Variants in ERCC1 observed in about 807,000 individuals in gnomAD.
ERCC1 encodes the protein ERCC excision repair 1, endonuclease non-catalytic subunit, also known as DNA excision repair protein ERCC-1.
ERCC1 carries 36 observed loss-of-function variants against 37.6 expected under a neutral mutation model. The ratio of observed to expected loss-of-function variants is 0.96; its 90% CI spans 0.73 to 1.26. The LOEUF (loss-of-function observed/expected upper bound fraction) is 1.26, where lower values mean the gene tolerates loss of function less well. Ranked by LOEUF, ERCC1 falls within the 50% of genes most tolerant of loss-of-function variation. The probability of loss-of-function intolerance (pLI) is 0.00; values close to 1 mark genes in which losing one functional copy is unlikely to be tolerated. For synonymous variants in ERCC1, 156 were observed against 162.1 expected (o/e 0.96, Z 0.28); for missense variants, 349 against 376.5 (o/e 0.93, Z 0.60).
chr19:45,416,182 G>A (rs1974058625), intron 6 of ERCC1, among the ~76,000 whole-genome samples: 1 of 152,182 alleles, frequency 6.6e-6, no homozygotes, highest in African/African-American at 2.4e-5. Flanking sequence ...TTGAAGATCA[G>A]AGAATACTCT....
intron 8 of ERCC1, 69 bp downstream of exon 8, chr19:45,413,894 T>C: frequency 6.3e-7 from 1 of 1,575,812 alleles, no homozygotes; most frequent in South Asian, 1.1e-5. Context: ...TGGAAGGAAA[T>C]GGGTGACAGG....
upstream of ERCC1, among the ~76,000 whole-genome samples, chr19:45,428,319 G>A (rs1403573596): frequency 6.6e-6 from 1 of 151,556 alleles, no homozygotes; most frequent in Non-Finnish European, 1.5e-5. Flanking sequence ...GGCTGGTCTC[G>A]AACTCCTGGG....
In ERCC1 at chr19:45,408,259, C is replaced by A. The variant is rs779262400; in HGVS notation, c.*1416G>T. On this transcript the variant is annotated 3_prime_UTR_variant, in exon 10 of 10. Transcript: ENST00000300853. The stretch of plus-strand genomic sequence containing the variant: ...CTGGAGAAGCGACCCTGCTGGCCCC[C>A]TCAACGGAGGCAGGAGGTGGACTCA... 1 of 1,614,070 alleles carries A rather than the reference C, an allele frequency of 6.2e-7. No homozygotes were observed. Among genetic ancestry groups the A allele is most frequent in the Admixed American group, 1.7e-5 (1 of 60,022 alleles).
chr19:45,418,529 AAG>A (rs1241928129), intron 5 of ERCC1, among the ~76,000 whole-genome samples: 2 of 151,570 alleles, frequency 1.3e-5, no homozygotes, highest in Non-Finnish European at 2.9e-5. Context: ...AAAAAAATAA[AAG>A]AGAGAGATAT....
intron 1 of ERCC1, among the ~76,000 whole-genome samples, chr19:45,434,013 C>T (rs1399048389): frequency 1.3e-5 from 2 of 151,400 alleles, no homozygotes; most frequent in Admixed American, 6.6e-5. Flanking sequence ...TGGTGGCATG[C>T]GCCTGTAGTC....
chr19:45,450,923 G>T (rs1160491057), intron 1 of ERCC1, among the ~76,000 whole-genome samples: 3 of 132,692 alleles, frequency 2.3e-5, no homozygotes, highest in African/African-American at 8.4e-5. Context: ...CGCAGACGCG[G>T]TGACGCGACG....
intron 9 of ERCC1, among the ~76,000 whole-genome samples, chr19:45,412,618 A>G (rs1973811155): frequency 6.6e-6 from 1 of 150,882 alleles, no homozygotes; most frequent in African/African-American, 2.4e-5. Flanking sequence ...AGTTGTTAGA[A>G]CTCTTATCTT....
Position 45,420,322 on chromosome 19 carries a change from A to G in ERCC1, c.425+2T>C. ...AGTCTGGGGTGGCGCCGCAGAGCTCACCTGAGGAACAGGGCACAGGTGCTC... is the reference window on the plus strand; with the variant it reads ...AGTCTGGGGTGGCGCCGCAGAGCTCGCCTGAGGAACAGGGCACAGGTGCTC... On this transcript the variant is annotated splice_donor_variant, in intron 4 of 9. Transcript: ENST00000300853. LOFTEE classifies it high-confidence loss of function. The surrounding 1 kb of genome is among the most constrained non-coding windows in gnomAD (Gnocchi z 4.8). 1 of 1,607,118 alleles carries G rather than the reference A, an allele frequency of 6.2e-7. No homozygotes were observed. The highest frequency in any genetic ancestry group is 8.5e-7 in the Non-Finnish European group (1 of 1,174,918).
In ERCC1 at chr19:45,408,708, C is replaced by T. The variant is rs764593189; in HGVS notation, c.*967G>A. On this transcript the variant is annotated 3_prime_UTR_variant, in exon 10 of 10. Transcript: ENST00000300853. ...CTGGAGCCTCTGGGAGTGCTGTTCC[C>T]GTCCACCACCAAGAAGAGGAAGAAG... 2.8e-5 allele frequency: 45 copies of T among 1,613,726 alleles called. No individual in the cohort carries two copies. Among genetic ancestry groups the T allele is most frequent in the Admixed American group, 2.0e-4 (12 of 59,974 alleles).
chr19:45,419,865 G>A (rs1377409559), intron 4 of ERCC1, among the ~76,000 whole-genome samples: 1 of 150,762 alleles, frequency 6.6e-6, no homozygotes, highest in Non-Finnish European at 1.5e-5. Context: ...TTAGACCCAG[G>A]AATCTGGCCC....
chr19:45,409,356 G>A lies in ERCC1; in HGVS notation c.*319C>T, dbSNP rs777876532. ...GCAACTCCGGGATCCACCAAGAAGA[G>A]GAAGAAGCAGAGTCAGGAAAGCCGG... On this transcript the variant is annotated 3_prime_UTR_variant, in exon 10 of 10. Coordinates refer to ENST00000300853, the MANE Select transcript of ERCC1 (RefSeq NM_001983.4). The A allele has an allele frequency of 1.2e-6, 2 of 1,614,156 alleles. No individual in the cohort carries two copies. Among genetic ancestry groups the A allele is most frequent in the Non-Finnish European group, 1.7e-6 (2 of 1,180,026 alleles).
chr19:45,409,855 A>G, intron 9 of ERCC1, 130 bp from the exon 10 acceptor site: 2 of 610,364 alleles, frequency 3.3e-6, no homozygotes, highest in Non-Finnish European at 3.0e-6. Flanking sequence ...AGTTACAAAC[A>G]ATCCAGTTAC....
intron 1 of ERCC1, among the ~76,000 whole-genome samples, chr19:45,434,311 T>G: frequency 7.0e-6 from 1 of 143,596 alleles, no homozygotes; most frequent in Admixed American, 7.2e-5. Context: ...TGAAACACCG[T>G]GTCTCTCCAA....
At chr19:45,450,887 G>GCCCCCCCCCC (rs56670394) in intron 1 of ERCC1, among the ~76,000 whole-genome samples, 1 of 59,358 alleles carries the variant, frequency 1.7e-5, no homozygotes, top group African/African-American at 5.0e-5. Flanking sequence ...CCGTGCGCCC[G>GCCCCCCCCCC]CCCCCCCCCC....
intron 1 of ERCC1, among the ~76,000 whole-genome samples, chr19:45,430,567 A>G (rs759132151): frequency 6.6e-6 from 1 of 152,146 alleles, no homozygotes; most frequent in Non-Finnish European, 1.5e-5. Context: ...CCTGCAGCCC[A>G]AAGAACCTTA....
At chr19:45,416,211 C>T (rs1227478093) in intron 6 of ERCC1, among the ~76,000 whole-genome samples, 1 of 152,152 alleles carries the variant, frequency 6.6e-6, no homozygotes, top group Non-Finnish European at 1.5e-5. Flanking sequence ...CTGTAAGTGC[C>T]AAAAGCCACG....
chr19:45,415,711 C>T (rs941958037), intron 6 of ERCC1: 2 of 451,714 alleles, frequency 4.4e-6, no homozygotes, highest in South Asian at 1.6e-5. Flanking sequence ...CCAAATACAA[C>T]CTGGTAGTAA....
intron 1 of ERCC1, among the ~76,000 whole-genome samples, chr19:45,448,626 T>C (rs909559854): frequency 6.6e-6 from 1 of 151,892 alleles, no homozygotes; most frequent in Non-Finnish European, 1.5e-5. Context: ...GATGGGAGGA[T>C]CTCTTGAGCC....
At chr19:45,419,500 TGGGCAC>T (rs1330636561) in intron 4 of ERCC1, 1 of 385,792 alleles carries the variant, frequency 2.6e-6, no homozygotes, top group East Asian at 5.6e-5. Context: ...CTAGAGAGTG[TGGGCAC>T]GGGGACACTG....
Sources: allele counts gnomAD v4.1 joint callset (sites outside exome capture counted in the v4.1 genomes callset), GRCh38; gene constraint gnomAD v4.1.1; non-coding constraint Gnocchi (gnomAD v3.1); transcripts MANE v1.5; gene names NCBI Gene and HGNC (gene_info 2026-07-23, HGNC 2026-07-21).